Variants in OLFM2 observed in about 807,000 individuals in gnomAD.
OLFM2 encodes the protein olfactomedin 2.
Under a neutral mutation model 43.9 loss-of-function variants are expected in OLFM2, and 20 were observed. The observed-to-expected ratio is 0.46, with a 90% CI of 0.32 to 0.66. OLFM2 has a LOEUF of 0.66. Among genes scored for constraint, OLFM2 ranks in the 30% least tolerant of loss-of-function variants. The pLI is 0.04. For synonymous variants in OLFM2, 268 were observed against 278.6 expected (o/e 0.96, Z 0.38); for missense variants, 416 against 643.6 (o/e 0.65, Z 3.83).
At chr19:9,898,940 T>C (rs763584455) in intron 1 of OLFM2, among the ~76,000 whole-genome samples, 1 of 152,128 alleles carries the variant, frequency 6.6e-6, no homozygotes, top group South Asian at 2.1e-4. Context: ...CTTTAAATAA[T>C]GTGAATCAGA....
At chr19:9,929,103 C>T (rs1235011850) in intron 1 of OLFM2, among the ~76,000 whole-genome samples, 1 of 152,088 alleles carries the variant, frequency 6.6e-6, no homozygotes, top group African/African-American at 2.4e-5. Flanking sequence ...GAGGACATGT[C>T]AATGTTCTCA....
intron 1 of OLFM2, among the ~76,000 whole-genome samples, chr19:9,877,569 AATAAATAC>A (rs1225867215): frequency 7.0e-5 from 6 of 85,182 alleles, no homozygotes; most frequent in Non-Finnish European, 1.3e-4. Context: ...TAAATAAATA[AATAAATAC>A]AATAAAATAA....
intron 1 of OLFM2, among the ~76,000 whole-genome samples, chr19:9,912,462 C>T (rs2046834902): frequency 6.6e-6 from 1 of 152,084 alleles, no homozygotes; most frequent in African/African-American, 2.4e-5. Flanking sequence ...GGCATCGCAG[C>T]CTGGGTTTGG....
chr19:9,874,952 T>C (rs551896923), intron 1 of OLFM2, among the ~76,000 whole-genome samples: 1 of 152,298 alleles, frequency 6.6e-6, no homozygotes, highest in South Asian at 2.1e-4. Context: ...GGCCTCACTT[T>C]GCTGGACGTT....
chr19:9,910,646 A>C (rs927825398), intron 1 of OLFM2, among the ~76,000 whole-genome samples: 6 of 152,042 alleles, frequency 3.9e-5, no homozygotes, highest in African/African-American at 1.4e-4. Flanking sequence ...ATGGATGCAC[A>C]GAGGATAGAA....
At chr19:9,907,484 C>CAAAT (rs989933425) in intron 1 of OLFM2, among the ~76,000 whole-genome samples, 5 of 151,466 alleles carry the variant, frequency 3.3e-5, no homozygotes, top group East Asian at 2.0e-4. Context: ...AACAAACAAA[C>CAAAT]AAATAAATAA....
At chr19:9,871,978 T>A (rs2046446118) in intron 1 of OLFM2, among the ~76,000 whole-genome samples, 1 of 152,172 alleles carries the variant, frequency 6.6e-6, no homozygotes, top group Admixed American at 6.5e-5. Context: ...TAGGGAAGGA[T>A]CACCTGAGAT....
intron 1 of OLFM2, among the ~76,000 whole-genome samples, chr19:9,875,078 C>G (rs1290598119): frequency 1.3e-5 from 2 of 152,250 alleles, no homozygotes; most frequent in Non-Finnish European, 2.9e-5. Context: ...GCAGGCATCC[C>G]TGCCAGAGGC....
chr19:9,857,616 A>T lies in OLFM2; in HGVS notation c.360+99T>A. Reference sequence around the variant, plus strand: ...GCCCTTGACATGTGGCTCATATTGGACCCTAGATTCTTCCCAGACATGACT... The same window carrying T: ...GCCCTTGACATGTGGCTCATATTGGTCCCTAGATTCTTCCCAGACATGACT... On this transcript the variant is annotated intron_variant, in intron 3 of 5. Transcript: ENST00000264833. The surrounding 1 kb of genome is among the most constrained non-coding windows in gnomAD (Gnocchi z 5.7). 1 of 1,580,584 alleles carries T rather than the reference A, an allele frequency of 6.3e-7. No individual in the cohort carries two copies. The highest frequency in any genetic ancestry group is 1.7e-4 in the Middle Eastern group (1 of 5,974).
At chr19:9,922,339 G>A (rs1236193793) in intron 1 of OLFM2, among the ~76,000 whole-genome samples, 1 of 152,082 alleles carries the variant, frequency 6.6e-6, no homozygotes, top group Non-Finnish European at 1.5e-5. Context: ...GAACAGAGAA[G>A]TGGGCAAAAG....
At chr19:9,914,748 G>C (rs914486200) in intron 1 of OLFM2, among the ~76,000 whole-genome samples, 2 of 152,052 alleles carry the variant, frequency 1.3e-5, no homozygotes, top group African/African-American at 4.8e-5. Context: ...ATCAGCCGGC[G>C]GCGGCAGCCG....
intron 1 of OLFM2, among the ~76,000 whole-genome samples, chr19:9,914,863 TCGCCCTCAGCCCGCGGCCGC>T (rs909750563): frequency 3.3e-5 from 5 of 151,912 alleles, no homozygotes; most frequent in Non-Finnish European, 7.4e-5. Flanking sequence ...GCCGCCGCCG[TCGCCCTCAGCCCGCGGCCGC>T]CGCCGTCTGG....
chr19:9,904,182 G>GTGTGTGTGTGTA (rs1568381749), intron 1 of OLFM2, among the ~76,000 whole-genome samples: 26 of 151,040 alleles, frequency 1.7e-4, no homozygotes, highest in Middle Eastern at 3.4e-3. Context: ...GTGTGTGTGT[G>GTGTGTGTGTGTA]TGTGTGTGTG....
chr19:9,913,645 G>C, intron 1 of OLFM2: 1 of 1,247,090 alleles, frequency 8.0e-7, no homozygotes, highest in Non-Finnish European at 1.0e-6. Flanking sequence ...CCCCGCGGCC[G>C]CCCGCCGCGC....
At chr19:9,907,323 C>T (rs1260892556) in intron 1 of OLFM2, among the ~76,000 whole-genome samples, 9 of 152,038 alleles carry the variant, frequency 5.9e-5, no homozygotes, top group African/African-American at 1.9e-4. Flanking sequence ...GGCAGGGTGG[C>T]GCACACCTGT....
intron 1 of OLFM2, among the ~76,000 whole-genome samples, chr19:9,861,716 A>G (rs1420231436): frequency 6.6e-6 from 1 of 152,246 alleles, no homozygotes; most frequent in African/African-American, 2.4e-5. Context: ...GAGGCTTAGA[A>G]ATGCAAATAA....
At chr19:9,899,726 AT>A (rs1022022127) in intron 1 of OLFM2, among the ~76,000 whole-genome samples, 3 of 150,028 alleles carry the variant, frequency 2.0e-5, no homozygotes, top group South Asian at 2.1e-4. Context: ...CAATTTCTGT[AT>A]TTTTTTTTAG....
Position 9,854,351 on chromosome 19 carries a change from C to T in OLFM2, c.1200G>A (p.Thr400=), listed in dbSNP as rs1283455526. ...GCACGTCCGTGTACTCGTAACTGGA[C>T]GTGTTGGTAAAATAGGCGAAGTAGA... ...AKVYFAYFTN[T]SSYEYTDVPF... The change falls in exon 6 of 6, where the codon ACG becomes ACA. Residue 400 remains threonine, a synonymous_variant. Transcript: ENST00000264833. This position sits in a 1 kb window ranked among gnomAD's most constrained non-coding sequence, Gnocchi z 9.5. 49 of 1,614,066 alleles carry T rather than the reference C, an allele frequency of 3.0e-5. No homozygotes were observed. The highest frequency in any genetic ancestry group is 4.1e-5 in the Non-Finnish European group (48 of 1,180,038).
chr19:9,894,412 TA>T (rs33990573), intron 1 of OLFM2, among the ~76,000 whole-genome samples: 9,009 of 62,106 alleles, frequency 0.15, 416 homozygotes, highest in Middle Eastern at 0.22. Context: ...ATAATAATAA[TA>T]AATAAATAAA....
Sources: gnomAD v4.1 joint callset for allele counts (sites outside exome capture counted in the v4.1 genomes callset) on GRCh38, gnomAD v4.1.1 for gene constraint, Gnocchi (gnomAD v3.1) non-coding constraint, MANE v1.5 for transcripts, NCBI Gene and HGNC (gene_info 2026-07-23, HGNC 2026-07-21) for gene names.